DYSF: variants seen among roughly 807,000 people sequenced by gnomAD.
The protein encoded by DYSF is dystrophy-associated fer-1-like 1.
A neutral mutation model predicts 274.9 loss-of-function variants in DYSF; 212 were observed. The ratio of observed to expected loss-of-function variants is 0.77; its 90% CI spans 0.69 to 0.86. The LOEUF is 0.86. DYSF is among the 40% of genes least tolerant of loss of function. DYSF has a pLI of 0.00. For missense variants in DYSF, 2,666 were observed against 2,783.2 expected, an observed-to-expected ratio of 0.96 and a Z score of 0.95; for synonymous variants, 1,091 against 1,078.7, an observed-to-expected ratio of 1.01 and a Z score of -0.22.
At chr2:71,554,834 G>C (rs2091226810) in intron 21 of DYSF, among the ~76,000 whole-genome samples, 1 of 152,206 alleles carries the variant, frequency 6.6e-6, no homozygotes, top group African/African-American at 2.4e-5. Flanking sequence ...CCAGAATGGA[G>C]GAGAATCACA....
Position 71,570,314 on chromosome 2 carries a change from A to C in DYSF, c.3065A>C (p.Asn1022Thr). ...WEDEEWSTDL[N>T]RAVDEQGWEY... ...GATGAGGAATGGTCCACAGACCTCA[A>C]CCGGGCTGTCGATGAGCAAGGTGGG... is the stretch of plus-strand genomic sequence containing the variant. Residue 1022 changes from asparagine to threonine, a missense_variant, in exon 28 of 56, where the codon AAC (asparagine) becomes ACC (threonine). Physicochemically the swap from Asn to Thr is moderately conservative, Grantham distance 65. Around this residue, in one of 3 missense-constraint regions of DYSF, gnomAD observed 1,460 missense variants for 1,502.1 expected, o/e 0.97. Transcript: ENST00000410020. 1 of 1,614,062 alleles carries C rather than the reference A, an allele frequency of 6.2e-7. No homozygotes were observed. Among genetic ancestry groups the C allele is most frequent in the Non-Finnish European group, 8.5e-7 (1 of 1,179,968 alleles).
chr2:71,524,261 G>T (rs575375038), intron 12 of DYSF, among the ~76,000 whole-genome samples: 89 of 152,288 alleles, frequency 5.8e-4, no homozygotes, highest in African/African-American at 2.0e-3. Flanking sequence ...CAGTTTATGT[G>T]TCTGTCTTCA....
chr2:71,569,713 T>G, intron 26 of DYSF, 107 bp from the exon 27 acceptor site: 2 of 905,770 alleles, frequency 2.2e-6, no homozygotes, highest in Non-Finnish European at 1.8e-6. Context: ...CTCTCATTGT[T>G]GGTTGGGGTG....
At chr2:71,643,614 TC>T (rs2094520989) in intron 41 of DYSF, among the ~76,000 whole-genome samples, 1 of 152,204 alleles carries the variant, frequency 6.6e-6, no homozygotes, top group Non-Finnish European at 1.5e-5. Flanking sequence ...CTGATTTTGG[TC>T]TCAGTGTGTT....
At chr2:71,466,598 C>G, upstream of DYSF, 1 of 1,214,436 alleles carries the variant, frequency 8.2e-7, no homozygotes, top group Non-Finnish European at 1.0e-6. Context: ...TGTCCCTCCC[C>G]GCCCGCCGCG....
At chr2:71,480,829 G>A (rs752153273) in intron 1 of DYSF, 54 bp from the exon 2 acceptor site, 11 of 1,532,268 alleles carry the variant, frequency 7.2e-6, no homozygotes, top group African/African-American at 2.7e-5. Flanking sequence ...CTAACTCAGC[G>A]GAAGGTGAAA....
intron 42 of DYSF, among the ~76,000 whole-genome samples, chr2:71,650,761 C>T (rs2094642719): frequency 6.6e-6 from 1 of 152,112 alleles, no homozygotes; most frequent in African/African-American, 2.4e-5. Context: ...AATTAAAAAA[C>T]CCTCTATTTT....
intron 3 of DYSF, among the ~76,000 whole-genome samples, chr2:71,502,776 C>T (rs2085113556): frequency 6.6e-6 from 1 of 152,114 alleles, no homozygotes; most frequent in South Asian, 2.1e-4. Flanking sequence ...TCACTGCCGG[C>T]GGAGCCCTGG....
intron 1 of DYSF, among the ~76,000 whole-genome samples, chr2:71,456,962 G>T (rs1398261561): frequency 6.6e-6 from 1 of 152,164 alleles, no homozygotes; most frequent in Non-Finnish European, 1.5e-5. Flanking sequence ...TAGGGGGAGT[G>T]CAGGGCTGCA....
chr2:71,499,298 T>C (rs917574350), intron 3 of DYSF, among the ~76,000 whole-genome samples: 14 of 152,270 alleles, frequency 9.2e-5, no homozygotes, highest in Admixed American at 7.8e-4. Context: ...ATTTTCCATG[T>C]AAGTGAATAA....
intron 3 of DYSF, among the ~76,000 whole-genome samples, chr2:71,492,019 T>A (rs1461604868): frequency 6.6e-6 from 1 of 152,164 alleles, no homozygotes; most frequent in African/African-American, 2.4e-5. Flanking sequence ...TTGGGCAGGA[T>A]TATTTACCCT....
At chr2:71,613,278 G>C in intron 39 of DYSF, 56 bp from the exon 40 acceptor site, 3 of 1,538,342 alleles carry the variant, frequency 2.0e-6, no homozygotes, top group Non-Finnish European at 2.7e-6. Context: ...GGGCTGGTGA[G>C]GGGCGAGCCT....
intron 36 of DYSF, among the ~76,000 whole-genome samples, chr2:71,605,966 C>G (rs1172682947): frequency 2.0e-5 from 3 of 152,270 alleles, no homozygotes; most frequent in South Asian, 4.2e-4. Flanking sequence ...TGGAGCTCCC[C>G]GAGGAACCAG....
intron 3 of DYSF, among the ~76,000 whole-genome samples, chr2:71,487,128 C>T (rs2083431107): frequency 6.6e-6 from 1 of 152,226 alleles, no homozygotes; most frequent in Non-Finnish European, 1.5e-5. Flanking sequence ...CTGATCTGGA[C>T]TCTAGACCAG....
Position 71,535,088 on chromosome 2 carries a change from T to G in DYSF, c.1448T>G (p.Met483Arg). 6.2e-7 allele frequency: 1 copy of G among 1,614,018 alleles called. No individual in the cohort carries two copies. Among genetic ancestry groups the G allele is most frequent in the Non-Finnish European group, 8.5e-7 (1 of 1,179,976 alleles). Residue 483 changes from methionine to arginine, a missense_variant and splice_region_variant, in exon 15 of 56, where the codon ATG (methionine) becomes AGG (arginine). Physicochemically the swap from Met to Arg is moderately conservative, Grantham distance 91 (BLOSUM62 -1). Transcript: ENST00000410020. ...QWNQNITLPA[M>R]FPSMCEKMRI... is the part of the protein sequence containing the mutation. ...AACCAGAACATCACACTGCCTGCCA[T>G]GGTGAGCCTCCTGCCCCCAGCAAAC...
At chr2:71,517,353 G>T (rs58895648) in intron 10 of DYSF, among the ~76,000 whole-genome samples, 8,451 of 152,186 alleles carry the variant, frequency 0.056, 285 homozygotes, top group African/African-American at 0.086. Flanking sequence ...TTTAGCCAGC[G>T]GGTCCAACCC....
chr2:71,460,832 C>A (rs2081251856), intron 1 of DYSF, among the ~76,000 whole-genome samples: 1 of 151,556 alleles, frequency 6.6e-6, no homozygotes, highest in Admixed American at 6.6e-5. Flanking sequence ...TTAGTTATAC[C>A]CCCTACAGAT....
At chr2:71,585,405 C>T (rs991593869) in intron 30 of DYSF, among the ~76,000 whole-genome samples, 4 of 152,104 alleles carry the variant, frequency 2.6e-5, no homozygotes, top group Non-Finnish European at 5.9e-5. Flanking sequence ...ATGGGCAATG[C>T]CTGGCACAGA....
chr2:71,566,764 C>A (rs1269084621), intron 24 of DYSF, among the ~76,000 whole-genome samples: 1 of 152,154 alleles, frequency 6.6e-6, no homozygotes, highest in Admixed American at 6.5e-5. Context: ...AGAGGTTTCC[C>A]CGGGGCATGA....
Sources: gnomAD v4.1 joint callset for allele counts (sites outside exome capture counted in the v4.1 genomes callset) on GRCh38, gnomAD v4.1.1 for gene constraint, gnomAD v4.1.1 regional missense constraint, MANE v1.5 for transcripts, NCBI Gene and HGNC (gene_info 2026-07-23, HGNC 2026-07-21) for gene names.